Variants in DIAPH2 observed in about 807,000 individuals in gnomAD.
The protein encoded by DIAPH2 is diaphanous related formin 2.
DIAPH2 carries 35 observed loss-of-function variants against 92.7 expected under a neutral mutation model. The observed-to-expected ratio is 0.38, with a 90% confidence interval of 0.29 to 0.50. The LOEUF is 0.50. Ranked by LOEUF, DIAPH2 falls within the 20% of genes least tolerant of loss-of-function variation. The pLI is 0.94. For missense variants in DIAPH2, 701 were observed against 819.5 expected, an observed-to-expected ratio of 0.86 and a Z score of 1.77; for synonymous variants, 301 against 280.4, an observed-to-expected ratio of 1.07 and a Z score of -0.73.
At chrX:97,021,029 C>T (rs1294984214) in intron 17 of DIAPH2, among the ~76,000 whole-genome samples, 1 of 111,455 alleles carries the variant, frequency 9.0e-6, no homozygotes, top group Non-Finnish European at 1.9e-5. Context: ...TTATTTAAGC[C>T]ATCCAAGAGG....
chrX:97,408,913 G>A (rs1304685850), intron 25 of DIAPH2, among the ~76,000 whole-genome samples: 1 of 111,800 alleles, frequency 8.9e-6, no homozygotes, highest in Non-Finnish European at 1.9e-5. Context: ...AAAAATTTTT[G>A]GAAGCAACTT....
intron 20 of DIAPH2, among the ~76,000 whole-genome samples, chrX:97,104,935 G>A (rs112244073): frequency 0.036 from 4,000 of 111,733 alleles, 61 homozygotes; most frequent in Middle Eastern, 0.07. Context: ...CCAGGAATTC[G>A]AGACCTGCCT....
At chrX:96,939,611 C>CACAT (rs1165171942) in intron 12 of DIAPH2, among the ~76,000 whole-genome samples, 1 of 57,586 alleles carries the variant, frequency 1.7e-5, no homozygotes, top group Non-Finnish European at 3.5e-5. Context: ...TACACACACA[C>CACAT]ACACATATAC....
intron 25 of DIAPH2, among the ~76,000 whole-genome samples, chrX:97,384,681 A>G (rs781376730): frequency 3.6e-5 from 4 of 109,917 alleles, no homozygotes; most frequent in African/African-American, 1.3e-4. Context: ...AGCCTGCGCA[A>G]CATGGTGAAA....
At chrX:97,459,437 G>C (rs772586144) in intron 26 of DIAPH2, among the ~76,000 whole-genome samples, 1 of 112,188 alleles carries the variant, frequency 8.9e-6, no homozygotes, top group Admixed American at 9.4e-5. Flanking sequence ...TGGGTGTTTT[G>C]AGAACTATAT....
intron 4 of DIAPH2, among the ~76,000 whole-genome samples, chrX:96,857,161 G>T (rs749043474): frequency 1.8e-5 from 2 of 111,736 alleles, no homozygotes; most frequent in South Asian, 3.7e-4. Context: ...GAATTCTGGG[G>T]TTTTTTGTTT....
intron 26 of DIAPH2, among the ~76,000 whole-genome samples, chrX:97,478,840 T>C (rs2070629517): frequency 8.9e-6 from 1 of 112,268 alleles, no homozygotes; most frequent in Admixed American, 9.4e-5. Context: ...TTCTTTGTTG[T>C]TCTGTTAAAT....
At chrX:97,152,864 T>G (rs1007686013) in intron 22 of DIAPH2, among the ~76,000 whole-genome samples, 1 of 104,889 alleles carries the variant, frequency 9.5e-6, no homozygotes, top group Non-Finnish European at 2.0e-5. Context: ...TAAGATTCAT[T>G]GAAGTAGTGA....
intron 23 of DIAPH2, among the ~76,000 whole-genome samples, chrX:97,257,536 G>A (rs2147563976): frequency 8.9e-6 from 1 of 111,837 alleles, no homozygotes; most frequent in Non-Finnish European, 1.9e-5. Flanking sequence ...TTTGTGCACA[G>A]CAACTCTGTT....
At chrX:97,236,979 A>C (rs2068053435) in intron 22 of DIAPH2, among the ~76,000 whole-genome samples, 3 of 112,131 alleles carry the variant, frequency 2.7e-5, no homozygotes, top group African/African-American at 9.7e-5. Flanking sequence ...GACAGTATTG[A>C]ATATAAATTG....
chrX:97,165,755 G>A (rs1475927964), intron 22 of DIAPH2, among the ~76,000 whole-genome samples: 1 of 109,233 alleles, frequency 9.2e-6, no homozygotes, highest in Non-Finnish European at 1.9e-5. Flanking sequence ...CTCCCGCCTC[G>A]GCCTGAGATT....
intron 24 of DIAPH2, among the ~76,000 whole-genome samples, chrX:97,356,590 C>T (rs1310870072): frequency 8.9e-6 from 1 of 111,971 alleles, no homozygotes; most frequent in Non-Finnish European, 1.9e-5. Flanking sequence ...TTACAGATAT[C>T]ATTGAATTCT....
chrX:97,463,413 A>G (rs2070478021), intron 26 of DIAPH2, among the ~76,000 whole-genome samples: 1 of 108,027 alleles, frequency 9.3e-6, no homozygotes, highest in Non-Finnish European at 1.9e-5. Context: ...TTTTTTTGAG[A>G]CTGAGTCTCA....
chrX:96,889,359 G>A (rs2065291828), intron 5 of DIAPH2, among the ~76,000 whole-genome samples: 1 of 110,597 alleles, frequency 9.0e-6, no homozygotes, highest in Non-Finnish European at 1.9e-5. Context: ...GTGTAAATTG[G>A]GACTTCTTTG....
chrX:97,172,017 G>A (rs1415077029), intron 22 of DIAPH2, among the ~76,000 whole-genome samples: 3 of 110,850 alleles, frequency 2.7e-5, no homozygotes, highest in Admixed American at 1.9e-4. Context: ...ATATCTCATA[G>A]GCACAAATAT....
chrX:96,909,360 T>C (rs1197896774), intron 5 of DIAPH2, among the ~76,000 whole-genome samples: 4 of 109,923 alleles, frequency 3.6e-5, no homozygotes, highest in Non-Finnish European at 5.7e-5. Context: ...CAGTATACTC[T>C]ATGTATATGA....
chrX:97,337,873 A>ATT (rs772010711), intron 23 of DIAPH2, among the ~76,000 whole-genome samples: 3 of 92,726 alleles, frequency 3.2e-5, no homozygotes, highest in Admixed American at 1.2e-4. Flanking sequence ...TTATAATCTG[A>ATT]TTTTTTTTTT....
At chrX:97,387,784 T>C (rs958548912) in intron 25 of DIAPH2, among the ~76,000 whole-genome samples, 2 of 111,905 alleles carry the variant, frequency 1.8e-5, no homozygotes, top group African/African-American at 3.2e-5. Context: ...TGATGATTGA[T>C]TGGATGTGTA....
chrX:96,926,541 A>G (rs1317806079), intron 9 of DIAPH2, among the ~76,000 whole-genome samples: 2 of 111,436 alleles, frequency 1.8e-5, no homozygotes, highest in African/African-American at 6.5e-5. Context: ...GCATCTGGTG[A>G]CTAAAGAATG....
Sources: gnomAD v4.1 joint callset for allele counts (sites outside exome capture counted in the v4.1 genomes callset) on GRCh38, gnomAD v4.1.1 for gene constraint, MANE v1.5 for transcripts, NCBI Gene and HGNC (gene_info 2026-07-23, HGNC 2026-07-21) for gene names.